NLGN1: variants seen among roughly 807,000 people sequenced by gnomAD.
NLGN1 encodes the protein neuroligin-1.
Under a neutral mutation model 65.5 loss-of-function variants are expected in NLGN1, and 12 were observed. That is an observed-to-expected ratio of 0.18 (90% confidence interval 0.12 to 0.30). The LOEUF is 0.30. Ranked by LOEUF, NLGN1 falls within the 10% of genes least tolerant of loss-of-function variation. NLGN1 has a pLI of 1.00. For missense variants in NLGN1, 750 were observed against 1,007.1 expected, an observed-to-expected ratio of 0.74 and a Z score of 3.46; for synonymous variants, 350 against 359.5, an observed-to-expected ratio of 0.97 and a Z score of 0.30.
At chr3:173,788,833 TAAAAAAAAAAAAAAAAAA>T (rs3979635) in intron 3 of NLGN1, among the ~76,000 whole-genome samples, 21 of 53,490 alleles carry the variant, frequency 3.9e-4, no homozygotes, top group African/African-American at 1.4e-3. Context: ...AGACCTCATT[TAAAAAAAAAAAAAAAAAA>T]AAAAAAAAAA....
At chr3:173,815,643 C>T (rs1231031904) in intron 4 of NLGN1, among the ~76,000 whole-genome samples, 1 of 152,096 alleles carries the variant, frequency 6.6e-6, no homozygotes, top group Non-Finnish European at 1.5e-5. Context: ...CCTACCCTGA[C>T]CTCTAAATGT....
intron 4 of NLGN1, among the ~76,000 whole-genome samples, chr3:174,125,890 G>A (rs9874304): frequency 0.28 from 42,047 of 151,874 alleles, 7,551 homozygotes; most frequent in African/African-American, 0.52. Context: ...ATGCGGTTAA[G>A]TCATAAAAAG....
chr3:174,209,623 C>CTTTTTTTTT (rs796169913), intron 4 of NLGN1, among the ~76,000 whole-genome samples: 32 of 82,088 alleles, frequency 3.9e-4, no homozygotes, highest in African/African-American at 4.4e-4. Context: ...ACCTTTCTTT[C>CTTTTTTTTT]TTTTTTTTTT....
intron 4 of NLGN1, among the ~76,000 whole-genome samples, chr3:174,192,386 TA>T (rs1481669348): frequency 6.6e-6 from 1 of 152,224 alleles, no homozygotes; most frequent in Non-Finnish European, 1.5e-5. Context: ...ACCTTTCAAC[TA>T]GTTGCTTCGG....
chr3:173,894,550 C>G (rs1180307395), intron 4 of NLGN1, among the ~76,000 whole-genome samples: 3 of 151,972 alleles, frequency 2.0e-5, no homozygotes, highest in Non-Finnish European at 4.4e-5. Flanking sequence ...TATGAGTGTT[C>G]CATTGTTTCC....
At chr3:173,951,954 A>G (rs568275185) in intron 4 of NLGN1, among the ~76,000 whole-genome samples, 2 of 152,298 alleles carry the variant, frequency 1.3e-5, no homozygotes, top group African/African-American at 4.8e-5. Flanking sequence ...AACATAACTT[A>G]TGCATAGTGC....
intron 3 of NLGN1, among the ~76,000 whole-genome samples, chr3:173,650,286 T>C (rs1577735003): frequency 6.6e-6 from 1 of 152,288 alleles, no homozygotes; most frequent in East Asian, 1.9e-4. Context: ...CTATTTTGCC[T>C]TTCCAAATGA....
chr3:173,630,896 A>C (rs1755582810), intron 3 of NLGN1, among the ~76,000 whole-genome samples: 2 of 152,188 alleles, frequency 1.3e-5, no homozygotes, highest in South Asian at 4.1e-4. Flanking sequence ...GGGAGAGATG[A>C]AACTTGAGAG....
chr3:173,608,314 A>C (rs1405813886), intron 3 of NLGN1, among the ~76,000 whole-genome samples: 1 of 151,858 alleles, frequency 6.6e-6, no homozygotes, highest in Non-Finnish European at 1.5e-5. Context: ...TAACCTCTAG[A>C]TCTTTCTTCA....
At chr3:173,660,180 T>C (rs546064271) in intron 3 of NLGN1, among the ~76,000 whole-genome samples, 42 of 151,996 alleles carry the variant, frequency 2.8e-4, no homozygotes, top group Admixed American at 5.9e-4. Flanking sequence ...GAGCTTTATC[T>C]TTTCCACACA....
chr3:173,439,103 A>G (rs1189215408), intron 2 of NLGN1, among the ~76,000 whole-genome samples: 2 of 152,172 alleles, frequency 1.3e-5, no homozygotes, highest in Non-Finnish European at 2.9e-5. Context: ...AATTTCTGGA[A>G]AGAAAAGAGC....
At chr3:174,073,611 T>C (rs1047559206) in intron 4 of NLGN1, among the ~76,000 whole-genome samples, 1 of 152,206 alleles carries the variant, frequency 6.6e-6, no homozygotes, top group Non-Finnish European at 1.5e-5. Context: ...TTCAATGTTT[T>C]GGAAATTCTA....
intron 2 of NLGN1, among the ~76,000 whole-genome samples, chr3:173,439,562 T>G (rs1166553137): frequency 2.0e-5 from 3 of 151,308 alleles, no homozygotes; most frequent in African/African-American, 7.3e-5. Flanking sequence ...AGGAACACCT[T>G]GGATATATTG....
intron 3 of NLGN1, among the ~76,000 whole-genome samples, chr3:173,796,526 A>G (rs886419066): frequency 2.6e-5 from 4 of 152,086 alleles, no homozygotes; most frequent in African/African-American, 7.2e-5. Flanking sequence ...TTTATTGCCC[A>G]TAGGAGATAT....
intron 3 of NLGN1, among the ~76,000 whole-genome samples, chr3:173,731,118 C>G (rs1409910065): frequency 6.6e-6 from 1 of 151,976 alleles, no homozygotes; most frequent in African/African-American, 2.4e-5. Flanking sequence ...ATGACAATTT[C>G]TCTTTTTCTA....
intron 2 of NLGN1, among the ~76,000 whole-genome samples, chr3:173,468,747 C>T (rs998330420): frequency 3.3e-5 from 5 of 151,864 alleles, no homozygotes; most frequent in African/African-American, 4.8e-5. Context: ...AGGTTCTGTC[C>T]GTTTAATGAC....
At chr3:173,607,319 G>A (rs2149456205) in intron 3 of NLGN1, among the ~76,000 whole-genome samples, 1 of 151,904 alleles carries the variant, frequency 6.6e-6, no homozygotes, top group Non-Finnish European at 1.5e-5. Flanking sequence ...GCCCACTTGA[G>A]CTTGTATGGT....
rs376148949 is a variant in NLGN1 at position 173,422,047 on chromosome 3, TCAAA to T, written c.-389-12958_-389-12955del. Reference sequence around the variant, plus strand: ...CCATCAAATGCAGACATTTATTATCTCAAACAAATAAACTCAAACACTTATCATG... The same window carrying T: ...CCATCAAATGCAGACATTTATTATCTCAAATAAACTCAAACACTTATCATG... On this transcript the variant is annotated intron_variant, in intron 1 of 6. Transcript: ENST00000457714. 5.5e-3 allele frequency among the ~76,000 whole-genome samples: 839 copies of T among 152,246 alleles called. 11 individuals carry two copies. The highest frequency in any genetic ancestry group is 0.019 in the African/African-American group (798 of 41,530).
chr3:174,049,591 T>A (rs1319252332), intron 4 of NLGN1, among the ~76,000 whole-genome samples: 1 of 152,090 alleles, frequency 6.6e-6, no homozygotes, highest in East Asian at 1.9e-4. Context: ...TAAGGCTAAT[T>A]CCCTATCTCC....
Sources: gnomAD v4.1 joint callset for allele counts (sites outside exome capture counted in the v4.1 genomes callset) on GRCh38, gnomAD v4.1.1 for gene constraint, MANE v1.5 for transcripts, NCBI Gene and HGNC (gene_info 2026-07-23, HGNC 2026-07-21) for gene names.